Variants in RANBP2 observed in about 807,000 individuals in gnomAD.
RANBP2 encodes RAN binding protein 2.
RANBP2 carries 57 observed loss-of-function variants against 303.6 expected under a neutral mutation model. The ratio of observed to expected loss-of-function variants is 0.19; its 90% CI spans 0.15 to 0.23. The LOEUF is 0.23. Ranked by LOEUF, RANBP2 falls within the 10% of genes least tolerant of loss-of-function variation. The pLI, the probability that RANBP2 is intolerant of heterozygous loss-of-function variation, is 1.00. For missense variants in RANBP2, 3,138 were observed against 3,780.8 expected (o/e 0.83, Z 4.46); for synonymous variants, 1,167 against 1,301.5 (o/e 0.90, Z 2.23).
chr2:108,933,844 A>G, the RANBP2 span, among the ~76,000 whole-genome samples: 1 of 151,942 alleles, frequency 6.6e-6, no homozygotes, highest in East Asian at 2.0e-4. Flanking sequence ...AAAGGCCTGA[A>G]GGGGAACTGA....
At chr2:109,626,391 C>G in the RANBP2 span, among the ~76,000 whole-genome samples, 1 of 152,062 alleles carries the variant, frequency 6.6e-6, no homozygotes. Context: ...ATCACTTGAA[C>G]CCAGGAGGCG....
the RANBP2 span, among the ~76,000 whole-genome samples, chr2:109,623,424 G>A: frequency 6.6e-6 from 1 of 152,166 alleles, no homozygotes; most frequent in African/African-American, 2.4e-5. Flanking sequence ...CTCGGGGGCT[G>A]TTTATGGGTT....
At chr2:109,002,734 G>C in the RANBP2 span, among the ~76,000 whole-genome samples, 1 of 152,118 alleles carries the variant, frequency 6.6e-6, no homozygotes, top group Admixed American at 6.6e-5. Context: ...GTTTTTGTTT[G>C]TTTGTTTTGG....
At chr2:109,097,637 T>C in the RANBP2 span, among the ~76,000 whole-genome samples, 1 of 152,138 alleles carries the variant, frequency 6.6e-6, no homozygotes, top group African/African-American at 2.4e-5. Context: ...ATAGTCTTTT[T>C]TTTTTTTCCT....
the RANBP2 span, chr2:108,815,942 T>C: frequency 1.9e-6 from 3 of 1,603,798 alleles, no homozygotes; most frequent in African/African-American, 2.7e-5. Context: ...GACATATAGG[T>C]ACCACTTAAT....
chr2:109,517,305 A>G, the RANBP2 span, among the ~76,000 whole-genome samples: 1 of 151,554 alleles, frequency 6.6e-6, no homozygotes, highest in Non-Finnish European at 1.5e-5. Context: ...CCCCCTCTTT[A>G]TCCCCGGACT....
chr2:108,752,886 T>C, intron 12 of RANBP2, 112 bp from the exon 13 acceptor site: 1 of 1,595,610 alleles, frequency 6.3e-7, no homozygotes. Flanking sequence ...ACTATTGAGA[T>C]ACCATTTGGT....
At chr2:109,652,621 G>A in the RANBP2 span, among the ~76,000 whole-genome samples, 7 of 152,282 alleles carry the variant, frequency 4.6e-5, no homozygotes, top group South Asian at 4.1e-4. Flanking sequence ...CCTCCTGCAC[G>A]TGCACAGCCA....
the RANBP2 span, among the ~76,000 whole-genome samples, chr2:109,081,057 A>G: frequency 0.22 from 33,783 of 152,230 alleles, 4,377 homozygotes; most frequent in Middle Eastern, 0.32. Context: ...GTGCCTGCCC[A>G]ACTGAGATGT....
At chr2:109,381,489 G>C in the RANBP2 span, among the ~76,000 whole-genome samples, 1 of 152,038 alleles carries the variant, frequency 6.6e-6, no homozygotes, top group African/African-American at 2.4e-5. Context: ...AGGGCATCTT[G>C]GGCCATCCAC....
the RANBP2 span, among the ~76,000 whole-genome samples, chr2:109,269,399 A>G: frequency 4.6e-4 from 70 of 152,304 alleles, no homozygotes; most frequent in African/African-American, 1.7e-3. Context: ...GTGCTTCTCC[A>G]TGGCTCTGCT....
At chr2:109,159,953 A>G in the RANBP2 span, among the ~76,000 whole-genome samples, 1 of 152,198 alleles carries the variant, frequency 6.6e-6, no homozygotes, top group African/African-American at 2.4e-5. Flanking sequence ...CTATATTACA[A>G]TGTAATAATA....
the RANBP2 span, chr2:109,732,986 G>A: frequency 1.7e-6 from 1 of 594,530 alleles, no homozygotes; most frequent in Non-Finnish European, 3.3e-6. Context: ...TCCCTCTTGG[G>A]GTCATCGTCC....
chr2:109,204,214 C>A, the RANBP2 span, among the ~76,000 whole-genome samples: 1 of 152,216 alleles, frequency 6.6e-6, no homozygotes, highest in Non-Finnish European at 1.5e-5. Flanking sequence ...GTCTGTATGT[C>A]TGTCTGTCTG....
chr2:109,127,041 GC>G, the RANBP2 span, among the ~76,000 whole-genome samples: 3 of 152,224 alleles, frequency 2.0e-5, no homozygotes, highest in African/African-American at 7.2e-5. Context: ...CGAGGTGTGT[GC>G]CCTTCCTTCG....
chr2:108,969,287 GATTCT>G, the RANBP2 span, among the ~76,000 whole-genome samples: 1 of 151,796 alleles, frequency 6.6e-6, no homozygotes, highest in African/African-American at 2.4e-5. Flanking sequence ...TATGCACTTT[GATTCT>G]GTCTTTCCAA....
intron 7 of RANBP2, among the ~76,000 whole-genome samples, chr2:108,745,926 A>T (rs867740000): frequency 0.014 from 1,868 of 133,788 alleles, 43 homozygotes; most frequent in African/African-American, 0.053. Flanking sequence ...CTTTTTTTGG[A>T]GATAGGGTCT....
At chr2:109,726,583 A>G in the RANBP2 span, among the ~76,000 whole-genome samples, 3 of 152,178 alleles carry the variant, frequency 2.0e-5, no homozygotes, top group Non-Finnish European at 4.4e-5. Context: ...CACTTTCGTT[A>G]CTAGGCTACT....
At chr2:109,160,782 C>T in the RANBP2 span, among the ~76,000 whole-genome samples, 3 of 152,130 alleles carry the variant, frequency 2.0e-5, no homozygotes, top group African/African-American at 7.2e-5. Context: ...GTGAACATCC[C>T]CAGGGGCTGA....
Sources: gnomAD v4.1 joint callset for allele counts (sites outside exome capture counted in the v4.1 genomes callset) on GRCh38, gnomAD v4.1.1 for gene constraint, MANE v1.5 for transcripts, NCBI Gene and HGNC (gene_info 2026-07-23, HGNC 2026-07-21) for gene names.